DAO: variants seen among roughly 807,000 people sequenced by gnomAD.
DAO encodes the protein D-amino-acid oxidase.
A neutral mutation model predicts 50.1 loss-of-function variants in DAO; 51 were observed. The observed-to-expected ratio is 1.02, with a 90% CI of 0.81 to 1.29. The LOEUF (loss-of-function observed/expected upper bound fraction) is 1.29. Ranked by LOEUF, DAO falls within the 50% of genes most tolerant of loss-of-function variation. The pLI is 0.00. For missense variants in DAO, 436 were observed against 439.4 expected (o/e 0.99, Z 0.07); for synonymous variants, 160 against 166.2 (o/e 0.96, Z 0.29).
intron 10 of DAO, chr12:108,899,810 C>T (rs893516494): frequency 1.2e-4 from 46 of 383,148 alleles, no homozygotes; most frequent in Admixed American, 1.6e-4. Context: ...GCAGAGGTGA[C>T]GATCTCAAAG....
intron 8 of DAO, chr12:108,898,445 G>A (rs2039585697): frequency 1.9e-6 from 1 of 528,496 alleles, no homozygotes; most frequent in Middle Eastern, 5.2e-4. Flanking sequence ...GAATGCAGTT[G>A]GTGGTGATGA....
At chr12:108,890,128 C>T (rs567428705) in intron 4 of DAO, 80 bp from the exon 5 acceptor site, 75 of 1,208,094 alleles carry the variant, frequency 6.2e-5, no homozygotes, top group Non-Finnish European at 8.4e-5. Flanking sequence ...AACAACATTG[C>T]TCCCACCTCC....
At chr12:108,896,234 C>T (rs186512967) in intron 7 of DAO, among the ~76,000 whole-genome samples, 4 of 151,282 alleles carry the variant, frequency 2.6e-5, no homozygotes, top group East Asian at 3.9e-4. Context: ...CCAGCCTGGC[C>T]AACGTGGTGA....
At chr12:108,886,735 G>A (rs2039439600) in intron 2 of DAO, among the ~76,000 whole-genome samples, 2 of 152,168 alleles carry the variant, frequency 1.3e-5, no homozygotes, top group African/African-American at 2.4e-5. Flanking sequence ...TGAAGAGCTG[G>A]GATTATAGGC....
intron 1 of DAO, among the ~76,000 whole-genome samples, chr12:108,884,659 C>G (rs562758037): frequency 2.0e-5 from 3 of 152,074 alleles, no homozygotes; most frequent in African/African-American, 7.2e-5. Context: ...CACTAACCAC[C>G]GGCCTACCCA....
At position 108,897,029 on chromosome 12, in the gene DAO, C is replaced by T; in HGVS notation, c.636C>T (p.His212=). 6.2e-7 allele frequency: 1 copy of T among 1,613,976 alleles called. No individual in the cohort carries two copies. Residue 212 remains histidine (H), a synonymous_variant, in exon 8 of 11, where the codon CAC becomes CAT. Transcript: ENST00000228476. ...IMKVDAPWMK[H]FILTHDPERG... ...AGGTGGACGCCCCTTGGATGAAGCA[C>T]TTCATTCTCACCCATGACCCAGAGA...
At chr12:108,880,916 C>T (rs1211889150) in intron 1 of DAO, among the ~76,000 whole-genome samples, 1 of 151,912 alleles carries the variant, frequency 6.6e-6, no homozygotes, top group Non-Finnish European at 1.5e-5. Flanking sequence ...GCAGAAAGCG[C>T]CGATAGAACT....
At chr12:108,882,507 C>T (rs2039392372) in intron 1 of DAO, among the ~76,000 whole-genome samples, 1 of 151,666 alleles carries the variant, frequency 6.6e-6, no homozygotes, top group African/African-American at 2.4e-5. Context: ...GAGTGAAACT[C>T]TGTCTCGAAA....
At chr12:108,898,577 G>A in intron 8 of DAO, 102 bp from the exon 9 acceptor site, 1 of 816,612 alleles carries the variant, frequency 1.2e-6, no homozygotes, top group Non-Finnish European at 2.2e-6. Flanking sequence ...AGGTAGTGAT[G>A]GTGGTGGTGT....
Position 108,900,556 on chromosome 12 carries a change from T to TC in DAO, c.*27dup, listed in dbSNP as rs553140906. 12 of 1,612,436 alleles carry TC rather than the reference T, an allele frequency of 7.4e-6. No homozygotes were observed. The highest frequency in any genetic ancestry group is 9.3e-6 in the Non-Finnish European group (11 of 1,179,206). On this transcript the variant is annotated 3_prime_UTR_variant, in exon 11 of 11. Transcript: ENST00000228476. ...TCTGAAGACTCCAGTGACTGCTGCC[T>TC]CCCCCCACAAGAACTCCCTTCTCCC...
Position 108,899,402 on chromosome 12 carries a change from C to T in DAO, c.839C>T (p.Thr280Ile). The change falls in exon 10 of 11, where the codon ACT becomes ATT. Residue 280 changes from threonine (T) to isoleucine (I), a missense_variant. Coordinates refer to ENST00000228476, the MANE Select transcript of DAO (RefSeq NM_001917.5). ...LKNARIIGER[T>I]GFRPVRPQIR... ...AATGCAAGAATTATTGGTGAACGAA[C>T]TGGCTTCCGGCCAGTACGCCCCCAG... 1 of 1,613,772 alleles carries T rather than the reference C, an allele frequency of 6.2e-7. No individual in the cohort carries two copies. Among genetic ancestry groups the T allele is most frequent in the Non-Finnish European group, 8.5e-7 (1 of 1,179,876 alleles).
chr12:108,892,162 T>C (rs897292431), intron 5 of DAO, among the ~76,000 whole-genome samples: 42 of 139,268 alleles, frequency 3.0e-4, no homozygotes, highest in African/African-American at 9.3e-4. Context: ...CTTTCTTCTT[T>C]TTTTTTTTTT....
intron 7 of DAO, among the ~76,000 whole-genome samples, chr12:108,896,511 T>G (rs2039559599): frequency 6.6e-6 from 1 of 151,764 alleles, no homozygotes; most frequent in African/African-American, 2.4e-5. Context: ...TCATTGATGT[T>G]ATCAGTGTGG....
At chr12:108,897,878 T>G (rs534233686) in intron 8 of DAO, among the ~76,000 whole-genome samples, 19 of 150,534 alleles carry the variant, frequency 1.3e-4, no homozygotes. Flanking sequence ...ACCTGGGAGG[T>G]TGAGGATGCA....
rs1439853758 is a variant in DAO, at chr12:108,897,063, T to C, written c.670T>C (p.Tyr224His). The C allele has an allele frequency of 6.2e-7, 1 of 1,613,932 alleles. No individual in the cohort carries two copies. The highest frequency in any genetic ancestry group is 8.5e-7 in the Non-Finnish European group (1 of 1,179,852). The change falls in exon 8 of 11, where the codon TAC (tyrosine) becomes CAC (histidine). Residue 224 changes from tyrosine (Y) to histidine (H), a missense_variant. Physicochemically the swap from Tyr to His is moderately conservative, Grantham distance 83. Transcript: ENST00000228476. ...ILTHDPERGI[Y>H]NSPYIIPGTQ... is the part of the protein sequence containing the mutation. ...CACCCATGACCCAGAGAGAGGCATC[T>C]ACAATTCCCCGTACATCATCCCAGG...
At chr12:108,899,933 G>T (rs1013952988) in intron 10 of DAO, 3 of 301,928 alleles carry the variant, frequency 9.9e-6, no homozygotes, top group Non-Finnish European at 1.9e-5. Context: ...AATGGGGTTG[G>T]TTTTCTAAAG....
At chr12:108,899,334 A>G in intron 9 of DAO, 43 bp from the exon 10 acceptor site, 1 of 1,409,884 alleles carries the variant, frequency 7.1e-7, no homozygotes, top group Non-Finnish European at 9.5e-7. Flanking sequence ...TGGCAGCAGG[A>G]AAAAAAAATC....
chr12:108,891,131 C>T (rs1272520279), intron 5 of DAO, among the ~76,000 whole-genome samples: 2 of 152,080 alleles, frequency 1.3e-5, no homozygotes, highest in African/African-American at 2.4e-5. Flanking sequence ...TGATTCCATA[C>T]ATTTTTTATA....
chr12:108,889,641 C>G lies in DAO; in HGVS notation c.386+96C>G. The G allele has an allele frequency of 3.2e-6, 3 of 947,186 alleles. No individual in the cohort carries two copies. In the South Asian group the frequency reaches 3.9e-5, roughly 12 times the overall value. 58.7% of individuals were successfully genotyped at this position (947,186 alleles called of 1,614,324 possible). ...AGGGTAGAGGCACCAGATTTCCTGT[C>G]CTACCCAGGCCCTGGTACCCTGGTC... On this transcript the variant is annotated intron_variant, in intron 4 of 10. Transcript: ENST00000228476.
Sources: allele counts gnomAD v4.1 joint callset (sites outside exome capture counted in the v4.1 genomes callset), GRCh38; gene constraint gnomAD v4.1.1; transcripts MANE v1.5; gene names NCBI Gene and HGNC (gene_info 2026-07-23, HGNC 2026-07-21).